Variants in RTKN2 observed in about 807,000 individuals in gnomAD.
The protein encoded by RTKN2 is rhotekin-2.
A neutral mutation model predicts 71.5 loss-of-function variants in RTKN2; 69 were observed. The observed-to-expected ratio is 0.96, with a 90% CI of 0.79 to 1.18. The LOEUF is 1.18. Among genes scored for constraint, RTKN2 ranks in the 50% most tolerant of loss-of-function variants. The probability of loss-of-function intolerance (pLI) is 0.00; values close to 1 mark genes in which losing one functional copy is unlikely to be tolerated. For missense variants in RTKN2, 724 were observed against 719.7 expected (o/e 1.01, Z -0.07); for synonymous variants, 236 against 236.5 (o/e 1.00, Z 0.02).
At position 62,193,348 on chromosome 10, in the gene RTKN2, C is replaced by T; in HGVS notation, c.*4560G>A. The T allele has an allele frequency of 1.0e-6, 1 of 981,068 alleles. No homozygotes were observed. 60.8% of individuals were successfully genotyped at this position (981,068 alleles called of 1,614,324 possible). A position where few individuals can be genotyped will look rare whatever the true frequency, so the allele number is the denominator to read the frequency against. ...CTGCTGGAATTTAAAACACAATTTT[C>T]CATAAGATCTGGAATGATCTTTTCT... On this transcript the variant is annotated 3_prime_UTR_variant, in exon 12 of 12. Coordinates refer to ENST00000373789, the MANE Select transcript of RTKN2 (RefSeq NM_145307.4).
At chr10:62,218,048 C>A (rs1158361246) in intron 8 of RTKN2, 147 bp downstream of exon 8, 6 of 548,144 alleles carry the variant, frequency 1.1e-5, no homozygotes, top group Non-Finnish European at 1.9e-5. Flanking sequence ...GCACCCCCTA[C>A]AGTTTATATC....
At chr10:62,268,461 G>T in intron 1 of RTKN2, 90 bp downstream of exon 1, 1 of 1,213,304 alleles carries the variant, frequency 8.2e-7, no homozygotes, top group Non-Finnish European at 1.2e-6. Flanking sequence ...GCGGGGGAGA[G>T]GCTTTCCCGA....
intron 10 of RTKN2, among the ~76,000 whole-genome samples, chr10:62,200,177 A>T (rs559747345): frequency 1.3e-5 from 2 of 152,164 alleles, no homozygotes; most frequent in South Asian, 4.2e-4. Context: ...AGCCTGGCCA[A>T]CATGGGGAAA....
chr10:62,226,085 A>G lies in RTKN2; in HGVS notation c.687-2753T>C, dbSNP rs1842017563. Among the ~76,000 whole-genome samples, 3 of 152,084 alleles carry G rather than the reference A, an allele frequency of 2.0e-5. No individual in the cohort carries two copies. The South Asian group carries it at 6.2e-4, about 31-fold the overall frequency. Reference sequence around the variant, plus strand: ...GTGTGAGCCACTGCGCCCGGCAACAACTGTATTTTCTATGCTAGCAATCCT... The same window carrying G: ...GTGTGAGCCACTGCGCCCGGCAACAGCTGTATTTTCTATGCTAGCAATCCT... On this transcript the variant is annotated intron_variant, in intron 6 of 11. Transcript: ENST00000373789.
At chr10:62,266,404 TAAC>T (rs1180506532) in intron 1 of RTKN2, among the ~76,000 whole-genome samples, 2 of 152,230 alleles carry the variant, frequency 1.3e-5, no homozygotes, top group Admixed American at 6.5e-5. Flanking sequence ...TAAGCCATGT[TAAC>T]AAAGACCAAG....
At chr10:62,243,668 C>T (rs922090424) in intron 3 of RTKN2, among the ~76,000 whole-genome samples, 3 of 152,104 alleles carry the variant, frequency 2.0e-5, no homozygotes, top group African/African-American at 7.2e-5. Context: ...GATTTGTAAC[C>T]CATCAACTCT....
chr10:62,235,057 G>A (rs959294906), intron 6 of RTKN2, among the ~76,000 whole-genome samples: 4 of 151,952 alleles, frequency 2.6e-5, no homozygotes, highest in African/African-American at 9.7e-5. Context: ...AGACCACAAA[G>A]ATGCAATCAA....
At chr10:62,209,663 T>G (rs1187788530) in intron 9 of RTKN2, among the ~76,000 whole-genome samples, 2 of 152,126 alleles carry the variant, frequency 1.3e-5, no homozygotes, top group Non-Finnish European at 2.9e-5. Flanking sequence ...ACCCTCTATA[T>G]GTCCATGTGT....
At chr10:62,199,508 C>A (rs1841396196) in intron 11 of RTKN2, among the ~76,000 whole-genome samples, 1 of 152,148 alleles carries the variant, frequency 6.6e-6, no homozygotes, top group Non-Finnish European at 1.5e-5. Context: ...TGCACCTTTA[C>A]TCATTTTAAG....
At chr10:62,184,105 A>C in exon 9 of RTKN2, 1 of 452,918 alleles carries the variant, frequency 2.2e-6, no homozygotes, top group Non-Finnish European at 3.9e-6. Flanking sequence ...GTAAACACTG[A>C]ATGGAAAATA....
chr10:62,203,242 T>C (rs1007247341), intron 10 of RTKN2, among the ~76,000 whole-genome samples: 1 of 152,204 alleles, frequency 6.6e-6, no homozygotes, highest in Non-Finnish European at 1.5e-5. Flanking sequence ...AGACGGATTC[T>C]CTAAGACAGA....
intron 7 of RTKN2, among the ~76,000 whole-genome samples, chr10:62,222,939 T>C (rs768857952): frequency 6.6e-6 from 1 of 152,210 alleles, no homozygotes; most frequent in African/African-American, 2.4e-5. Context: ...AATTTAAAAA[T>C]AAGTCAGGTC....
At position 62,196,735 on chromosome 10, in the gene RTKN2, A is replaced by T. The variant is rs1841339538; in HGVS notation, c.*1173T>A. ...TAGTGCTGTTGCTGACACCTTATGG[A>T]AACTGTTTTATTTGGAAATTCTAAT... On this transcript the variant is annotated 3_prime_UTR_variant, in exon 12 of 12. Coordinates refer to ENST00000373789, the MANE Select transcript of RTKN2 (RefSeq NM_145307.4). 2 of 982,394 alleles carry T rather than the reference A, an allele frequency of 2.0e-6. No homozygotes were observed. The highest frequency in any genetic ancestry group is 9.4e-5 in the South Asian group (2 of 21,220). 60.9% of individuals were successfully genotyped at this position (982,394 alleles called of 1,614,324 possible). A position where few individuals can be genotyped will look rare whatever the true frequency, so the allele number is the denominator to read the frequency against.
At position 62,197,821 on chromosome 10, in the gene RTKN2, C is replaced by T; in HGVS notation, c.*87G>A. The T allele has an allele frequency of 6.9e-7, 1 of 1,451,946 alleles. No individual in the cohort carries two copies. The highest frequency in any genetic ancestry group is 9.1e-7 in the Non-Finnish European group (1 of 1,097,374). The allele number at this position is 1,451,946 out of a possible 1,614,324, so 89.9% of individuals were successfully genotyped here. On this transcript the variant is annotated 3_prime_UTR_variant, in exon 12 of 12. Transcript: ENST00000373789. ...TATTGGTATAAATCACTATATTTAC[C>T]TATATAATTACACATTATTCTATAA...
intron 3 of RTKN2, among the ~76,000 whole-genome samples, chr10:62,241,512 G>A (rs1335648781): frequency 6.6e-6 from 1 of 151,928 alleles, no homozygotes; most frequent in Non-Finnish European, 1.5e-5. Context: ...TCTGTTCCTT[G>A]GCTATACTTT....
At chr10:62,256,550 G>T (rs1197589284) in intron 2 of RTKN2, among the ~76,000 whole-genome samples, 1 of 152,116 alleles carries the variant, frequency 6.6e-6, no homozygotes, top group East Asian at 1.9e-4. Flanking sequence ...TGATTATGTA[G>T]AAGAATGTTA....
rs1342313937 is a variant in RTKN2, at chr10:62,199,864, AAGAC to A, written c.1187-7_1187-4del. The A allele has an allele frequency of 2.5e-6, 4 of 1,587,544 alleles. No individual in the cohort carries two copies. Among genetic ancestry groups the A allele is most frequent in the Non-Finnish European group, 8.6e-7 (1 of 1,158,442 alleles). On this transcript the variant is annotated splice_region_variant and splice_polypyrimidine_tract_variant and intron_variant, in intron 10 of 11. Transcript: ENST00000373789. ...TTCACAACAGTGCTTCCATTGGCCT[AAGAC>A]AGACAGAAAAAAGGTAGACTAGTTT...
chr10:62,218,656 T>C (rs1841833236), intron 7 of RTKN2, among the ~76,000 whole-genome samples: 1 of 152,224 alleles, frequency 6.6e-6, no homozygotes, highest in African/African-American at 2.4e-5. Context: ...AATAAAGTAA[T>C]TTATGTTTGT....
chr10:62,187,636 CCT>C (rs1841158031), intron 8 of RTKN2, among the ~76,000 whole-genome samples: 2 of 151,784 alleles, frequency 1.3e-5, no homozygotes, highest in Non-Finnish European at 2.9e-5. Flanking sequence ...ACTTTTTTTT[CCT>C]TTTTAGAAAT....
Sources: allele counts gnomAD v4.1 joint callset (sites outside exome capture counted in the v4.1 genomes callset), GRCh38; gene constraint gnomAD v4.1.1; transcripts MANE v1.5; gene names NCBI Gene and HGNC (gene_info 2026-07-23, HGNC 2026-07-21).